CDK8: variants seen among roughly 807,000 people sequenced by gnomAD.
The protein encoded by CDK8 is cyclin dependent kinase 8.
In CDK8, 29 loss-of-function variants were observed where a neutral mutation model predicts 71.5. The observed-to-expected ratio is 0.41, with a 90% confidence interval of 0.30 to 0.55. The LOEUF is 0.55. CDK8 is among the 20% of genes least tolerant of loss of function. The probability of loss-of-function intolerance (pLI) is 0.37; values close to 1 mark genes in which losing one functional copy is unlikely to be tolerated. For missense variants in CDK8, 288 were observed against 572.6 expected, an observed-to-expected ratio of 0.50 and a Z score of 5.07; for synonymous variants, 161 against 192.1, an observed-to-expected ratio of 0.84 and a Z score of 1.34.
chr13:26,260,218 A>G (rs1871710413), intron 1 of CDK8, among the ~76,000 whole-genome samples: 1 of 152,090 alleles, frequency 6.6e-6, no homozygotes, highest in Admixed American at 6.5e-5. Context: ...CTGTACGTGT[A>G]GTAGTATATA....
intron 2 of CDK8, among the ~76,000 whole-genome samples, chr13:26,346,210 T>C (rs1024402059): frequency 2.0e-5 from 3 of 152,186 alleles, no homozygotes; most frequent in Admixed American, 2.0e-4. Context: ...TATATAAATA[T>C]TTCATGGGGC....
At chr13:26,371,894 G>A (rs922145155) in intron 4 of CDK8, among the ~76,000 whole-genome samples, 2 of 152,022 alleles carry the variant, frequency 1.3e-5, no homozygotes, top group Admixed American at 6.6e-5. Context: ...CTGAGATTAC[G>A]AGCATGAGCT....
intron 1 of CDK8, among the ~76,000 whole-genome samples, chr13:26,334,689 G>A (rs933448441): frequency 2.0e-5 from 3 of 152,096 alleles, no homozygotes; most frequent in Admixed American, 6.5e-5. Context: ...GCAATGTTAC[G>A]TTTTAGTAAT....
At chr13:26,342,202 C>T (rs1287026696) in intron 2 of CDK8, among the ~76,000 whole-genome samples, 2 of 152,196 alleles carry the variant, frequency 1.3e-5, no homozygotes, top group Admixed American at 6.6e-5. Flanking sequence ...CGGCAGCCAC[C>T]GCACCCAGCT....
Position 26,291,118 on chromosome 13 carries a change from CAA to C in CDK8, c.128+36364_128+36365del, listed in dbSNP as rs11448258. On this transcript the variant is annotated intron_variant, in intron 1 of 12. Coordinates refer to ENST00000381527, the MANE Select transcript of CDK8 (RefSeq NM_001260.3). ...TGGGTGACAGAGTGAGCCTCCATCTCAAAAAAAAAAAAAAAATTCTGCATGTT... is the reference window on the plus strand; with the variant it reads ...TGGGTGACAGAGTGAGCCTCCATCTCAAAAAAAAAAAAAATTCTGCATGTT... Among the ~76,000 whole-genome samples the C allele has an allele frequency of 4.4e-4, 62 of 139,452 alleles. No individual in the cohort carries two copies. The East Asian group carries it at 4.6e-3, about 10-fold the overall frequency. The allele number at this position is 139,452 out of a possible 152,430, so 91.5% of individuals were successfully genotyped here. A position where few individuals can be genotyped will look rare whatever the true frequency, so the allele number is the denominator to read the frequency against.
At chr13:26,343,230 A>G (rs1873316172) in intron 2 of CDK8, among the ~76,000 whole-genome samples, 1 of 152,188 alleles carries the variant, frequency 6.6e-6, no homozygotes, top group African/African-American at 2.4e-5. Flanking sequence ...GTAGAACCTA[A>G]ACACACCAGG....
rs919946366 is a variant in CDK8 at position 26,344,246 on chromosome 13, A to G, written c.205-4826A>G. On this transcript the variant is annotated intron_variant, in intron 2 of 12. Coordinates refer to ENST00000381527, the MANE Select transcript of CDK8 (RefSeq NM_001260.3). ...TGATTTTATTCTTTTTTATGGCTGTATATCATTCCGTGGTGTATATGTACC... is the reference window on the plus strand; with the variant it reads ...TGATTTTATTCTTTTTTATGGCTGTGTATCATTCCGTGGTGTATATGTACC... 5.9e-5 allele frequency among the ~76,000 whole-genome samples: 9 copies of G among 152,216 alleles called. No individual in the cohort carries two copies. In the East Asian group the frequency reaches 1.5e-3, roughly 26 times the overall value.
At chr13:26,277,032 A>G (rs1407548320) in intron 1 of CDK8, among the ~76,000 whole-genome samples, 2 of 152,220 alleles carry the variant, frequency 1.3e-5, no homozygotes, top group Non-Finnish European at 2.9e-5. Flanking sequence ...ACAAAAGAAT[A>G]AAAGAATGCT....
chr13:26,262,581 A>G (rs1215831419), intron 1 of CDK8, among the ~76,000 whole-genome samples: 1 of 152,218 alleles, frequency 6.6e-6, no homozygotes, highest in Non-Finnish European at 1.5e-5. Flanking sequence ...AATCAATCCA[A>G]AGGCAAGAGC....
At chr13:26,398,574 GCCTTT>G (rs1197046137) in intron 9 of CDK8, among the ~76,000 whole-genome samples, 1 of 152,086 alleles carries the variant, frequency 6.6e-6, no homozygotes, top group Non-Finnish European at 1.5e-5. Flanking sequence ...GCAAATTCAG[GCCTTT>G]CCTTTCAACC....
In CDK8 at chr13:26,397,157, A is replaced by T; in HGVS notation, c.865A>T (p.Thr289Ser). ...TTCATAGTATTTCTCTTTCAGGTATACCAACTGCAGCCTTATCAAGTATAT... is the reference window on the plus strand; with the variant it reads ...TTCATAGTATTTCTCTTTCAGGTATTCCAACTGCAGCCTTATCAAGTATAT... Reference protein sequence around the residue: ...LMKDFRRNTYTNCSLIKYMEK... With the variant: ...LMKDFRRNTYSNCSLIKYMEK... The change falls in exon 9 of 13, where the codon ACC becomes TCC. Residue 289 changes from threonine (T) to serine (S), a missense_variant. Physicochemically the swap from Thr to Ser is moderately conservative, Grantham distance 58 (BLOSUM62 1). Transcript: ENST00000381527. The T allele has an allele frequency of 2.5e-6, 4 of 1,573,130 alleles. No individual in the cohort carries two copies. Among genetic ancestry groups the T allele is most frequent in the Non-Finnish European group, 3.5e-6 (4 of 1,145,112 alleles).
At chr13:26,258,996 T>G (rs1871652840) in intron 1 of CDK8, among the ~76,000 whole-genome samples, 1 of 152,170 alleles carries the variant, frequency 6.6e-6, no homozygotes, top group Non-Finnish European at 1.5e-5. Flanking sequence ...CTTGAACCAT[T>G]CAGTTGGTGG....
chr13:26,400,143 T>C, intron 9 of CDK8: 2 of 244,326 alleles, frequency 8.2e-6, no homozygotes, highest in East Asian at 9.5e-5. Flanking sequence ...AGAAAAAGAA[T>C]AGAAAATACA....
intron 6 of CDK8, among the ~76,000 whole-genome samples, chr13:26,387,702 T>G (rs116294925): frequency 1.7e-3 from 254 of 152,302 alleles, no homozygotes; most frequent in African/African-American, 5.5e-3. Context: ...CACTGTGTCC[T>G]GAGACCTTCT....
At chr13:26,395,970 A>G (rs973065985) in intron 7 of CDK8, among the ~76,000 whole-genome samples, 2 of 152,204 alleles carry the variant, frequency 1.3e-5, no homozygotes, top group African/African-American at 4.8e-5. Context: ...GAAAGAGGAC[A>G]TTTAATAAGA....
At position 26,262,190 on chromosome 13, in the gene CDK8, T is replaced by A. The variant is rs776984578; in HGVS notation, c.128+7421T>A. 5.9e-4 allele frequency among the ~76,000 whole-genome samples: 90 copies of A among 152,226 alleles called. 1 individual carries two copies. Among genetic ancestry groups the A allele is most frequent in the Non-Finnish European group, 1.0e-3 (70 of 68,030 alleles). ...ACTCCAATAAGTCCCACTTTACCCG[T>A]CACCCTGCAAAACATAGTCATTCAC... is the stretch of plus-strand genomic sequence containing the variant. On this transcript the variant is annotated intron_variant, in intron 1 of 12. Coordinates refer to ENST00000381527, the MANE Select transcript of CDK8 (RefSeq NM_001260.3).
intron 1 of CDK8, among the ~76,000 whole-genome samples, chr13:26,316,580 C>T (rs771686165): frequency 2.6e-5 from 4 of 152,018 alleles, no homozygotes; most frequent in Non-Finnish European, 5.9e-5. Flanking sequence ...TGCTCATGCC[C>T]AGGGAAAGGT....
chr13:26,263,705 C>T (rs1472655849), intron 1 of CDK8, among the ~76,000 whole-genome samples: 1 of 151,770 alleles, frequency 6.6e-6, no homozygotes, highest in African/African-American at 2.4e-5. Flanking sequence ...TCCCAAAGTG[C>T]TGGGATTACA....
At chr13:26,296,270 T>C (rs952684181) in intron 1 of CDK8, among the ~76,000 whole-genome samples, 3 of 152,180 alleles carry the variant, frequency 2.0e-5, no homozygotes, top group African/African-American at 7.2e-5. Flanking sequence ...CAGACAAATG[T>C]TGTATTTAAA....
Sources: gnomAD v4.1 joint callset for allele counts (sites outside exome capture counted in the v4.1 genomes callset) on GRCh38, gnomAD v4.1.1 for gene constraint, MANE v1.5 for transcripts, NCBI Gene and HGNC (gene_info 2026-07-23, HGNC 2026-07-21) for gene names.